The following GSE1 variants were observed in gnomAD, a reference collection of about 807,000 sequenced individuals.
The protein encoded by GSE1 is genetic suppressor element 1.
In GSE1, 32 loss-of-function variants were observed where a neutral mutation model predicts 112.6. The ratio of observed to expected loss-of-function variants is 0.28; its 90% CI spans 0.21 to 0.38. The LOEUF is 0.38. Among genes scored for constraint, GSE1 ranks in the 10% least tolerant of loss-of-function variants. The pLI is 1.00. For synonymous variants in GSE1, 1,115 were observed against 735.6 expected (o/e 1.52, Z -8.35); for missense variants, 2,348 against 1,699.2 (o/e 1.38, Z -6.71).
intron 1 of GSE1, among the ~76,000 whole-genome samples, chr16:85,238,566 G>C (rs1022067056): frequency 6.6e-6 from 1 of 152,172 alleles, no homozygotes; most frequent in African/African-American, 2.4e-5. Flanking sequence ...GCCTCTGCTC[G>C]CTCAGCTCTG....
rs1328485561 is a variant in GSE1 at position 85,661,453 on chromosome 16, C to G, written c.1948C>G (p.Gln650Glu). 1.2e-6 allele frequency: 2 copies of G among 1,611,520 alleles called. No individual in the cohort carries two copies. Among genetic ancestry groups the G allele is most frequent in the Non-Finnish European group, 8.5e-7 (1 of 1,179,394 alleles). The change falls in exon 9 of 16, where the codon CAG (glutamine) becomes GAG (glutamate). Residue 650 changes from glutamine (Q) to glutamate (E), a missense_variant. Coordinates refer to ENST00000253458, the MANE Select transcript of GSE1 (RefSeq NM_014615.5). The stretch of plus-strand genomic sequence containing the variant: ...TGAGCCTGCCCCTCTGGACAAGTAC[C>G]AGCCACCTCCGCCGCCACCACGAGA... ...KREPAPLDKY[Q>E]PPPPPPREGG...
At chr16:85,473,580 C>G (rs778901672) in intron 2 of GSE1, among the ~76,000 whole-genome samples, 2 of 152,224 alleles carry the variant, frequency 1.3e-5, no homozygotes, top group Non-Finnish European at 2.9e-5. Flanking sequence ...TGTCCCTGCT[C>G]TGTCTTCATG....
At chr16:85,538,462 T>C (rs1338817701) in intron 2 of GSE1, among the ~76,000 whole-genome samples, 1 of 152,174 alleles carries the variant, frequency 6.6e-6, no homozygotes, top group Middle Eastern at 3.2e-3. Context: ...TTCCCTTCAG[T>C]CCCCAGCAGC....
chr16:85,671,030 T>A lies in GSE1; in HGVS notation c.3451T>A (p.Cys1151Ser), dbSNP rs1255622328. The A allele has an allele frequency of 1.9e-6, 3 of 1,612,266 alleles. No homozygotes were observed. In the African/African-American group the frequency reaches 4.0e-5, roughly 22 times the overall value. ...NLERQVLQTQ[C>S]RRLEARHYSL... ...GGAGCGGCAGGTGTTACAGACACAA[T>A]GTAGACGACTGGAGGCCCGGCACTA... Residue 1151 changes from cysteine to serine, a missense_variant, in exon 15 of 16, where the codon TGT becomes AGT. Coordinates refer to ENST00000253458, the MANE Select transcript of GSE1 (RefSeq NM_014615.5).
At chr16:85,188,690 A>G (rs1444235636) in intron 1 of GSE1, among the ~76,000 whole-genome samples, 1 of 151,868 alleles carries the variant, frequency 6.6e-6, no homozygotes, top group Non-Finnish European at 1.5e-5. Context: ...AGTTCCAGAT[A>G]CGGGGGAGGC....
rs1158309115 is a variant in GSE1, at chr16:85,661,233, G to C, written c.1728G>C (p.Gln576His). The C allele has an allele frequency of 3.7e-6, 6 of 1,612,524 alleles. No individual in the cohort carries two copies. Among genetic ancestry groups the C allele is most frequent in the South Asian group, 1.1e-5 (1 of 91,070 alleles). ...CACCTCTGATTTCGCCCAAGCCCCA[G>C]CTCCATGCTGCACCCACGGCCCTCT... is the stretch of plus-strand genomic sequence containing the variant. ...GPPPLISPKPQLHAAPTALWN... is the reference protein window; with the variant it reads ...GPPPLISPKPHLHAAPTALWN... Residue 576 changes from glutamine (Q) to histidine (H), a missense_variant, in exon 9 of 16, where the codon CAG becomes CAC. Gln to His is a conservative substitution (Grantham distance 24, BLOSUM62 0). Coordinates refer to ENST00000253458, the MANE Select transcript of GSE1 (RefSeq NM_014615.5).
In GSE1 at chr16:85,275,215, C is replaced by T. The variant is rs189887899; in HGVS notation, c.2284-82248C>T. Among the ~76,000 whole-genome samples, 657 of 152,294 alleles carry T rather than the reference C, an allele frequency of 4.3e-3. 5 individuals are homozygous for T. The highest frequency in any genetic ancestry group is 7.1e-3 in the Non-Finnish European group (481 of 68,024). ...AGTCTTAACTCCCAAACCACAGAGG[C>T]CTCCGAACTGGAGGAGACAGAACAG... On this transcript the variant is annotated intron_variant, in intron 1 of 2. Transcript: ENST00000637419.
chr16:85,545,927 C>T (rs909158324), intron 2 of GSE1, among the ~76,000 whole-genome samples: 21 of 151,804 alleles, frequency 1.4e-4, no homozygotes, highest in African/African-American at 3.4e-4. Context: ...GGACTACAGG[C>T]GCCCGCCACC....
chr16:85,640,643 C>T (rs962116931), intron 2 of GSE1, among the ~76,000 whole-genome samples: 40 of 152,246 alleles, frequency 2.6e-4, no homozygotes, highest in African/African-American at 9.6e-4. Flanking sequence ...TCCTCATGAG[C>T]TGCCGTGGGA....
At chr16:85,245,208 A>G (rs1006061222) in intron 1 of GSE1, among the ~76,000 whole-genome samples, 1 of 152,178 alleles carries the variant, frequency 6.6e-6, no homozygotes, top group South Asian at 2.1e-4. Flanking sequence ...TCCACTCACC[A>G]TAAATAAAAG....
intron 2 of GSE1, among the ~76,000 whole-genome samples, chr16:85,518,075 C>T (rs1056945806): frequency 2.6e-5 from 4 of 152,316 alleles, no homozygotes; most frequent in Admixed American, 6.5e-5. Flanking sequence ...ACAGGCGCGT[C>T]GGCTGGAACT....
intron 1 of GSE1, among the ~76,000 whole-genome samples, chr16:85,603,097 C>T (rs559707654): frequency 6.6e-5 from 10 of 152,360 alleles, no homozygotes; most frequent in Non-Finnish European, 1.0e-4. Context: ...TTCAGTGTCA[C>T]GACCTCCAGC....
chr16:85,346,322 G>C (rs1381719910), intron 1 of GSE1, among the ~76,000 whole-genome samples: 2 of 151,758 alleles, frequency 1.3e-5, no homozygotes, highest in African/African-American at 4.8e-5. Context: ...GATGATGGAT[G>C]GATGGATGAT....
In GSE1 at chr16:85,654,187, C is replaced by T. The variant is rs575099662; in HGVS notation, c.427-91C>T. On this transcript the variant is annotated intron_variant, in intron 3 of 15. Transcript: ENST00000253458. The stretch of plus-strand genomic sequence containing the variant: ...TTTCTAGAACATGAACTAAATCTAG[C>T]GCCTTCCCGTGAGTCAGGAGACCTG... 446 of 1,168,246 alleles carry T rather than the reference C, an allele frequency of 3.8e-4. 6 individuals carry two copies. The South Asian group carries it at 5.3e-3, about 14-fold the overall frequency. 72.4% of individuals were successfully genotyped at this position (1,168,246 alleles called of 1,614,324 possible). A position where few individuals can be genotyped will look rare whatever the true frequency, so the allele number is the denominator to read the frequency against.
At chr16:85,649,483 C>G (rs1322844646) in intron 3 of GSE1, among the ~76,000 whole-genome samples, 1 of 152,246 alleles carries the variant, frequency 6.6e-6, no homozygotes. Flanking sequence ...GCGGAGGCCC[C>G]TCCCCAAGTT....
intron 2 of GSE1, among the ~76,000 whole-genome samples, chr16:85,437,600 T>A (rs1398172810): frequency 2.6e-5 from 4 of 151,966 alleles, no homozygotes; most frequent in African/African-American, 9.7e-5. Flanking sequence ...GGGATTGGGA[T>A]CGGAGACCAG....
intron 1 of GSE1, among the ~76,000 whole-genome samples, chr16:85,329,830 G>A (rs1191242441): frequency 2.0e-5 from 3 of 151,044 alleles, no homozygotes; most frequent in African/African-American, 7.3e-5. Context: ...GCTGGGGACG[G>A]GAGGGGAGGG....
At chr16:85,200,860 T>C (rs1252397884) in intron 1 of GSE1, among the ~76,000 whole-genome samples, 1 of 152,222 alleles carries the variant, frequency 6.6e-6, no homozygotes, top group East Asian at 1.9e-4. Flanking sequence ...CTTCTCACAC[T>C]GAACTGTCCC....
At chr16:85,605,419 T>G (rs2047660875) in intron 1 of GSE1, among the ~76,000 whole-genome samples, 1 of 152,080 alleles carries the variant, frequency 6.6e-6, no homozygotes, top group Non-Finnish European at 1.5e-5. Context: ...TAAAACTTTA[T>G]TTGTCTGTGC....
Sources: allele counts gnomAD v4.1 joint callset (sites outside exome capture counted in the v4.1 genomes callset), GRCh38; gene constraint gnomAD v4.1.1; transcripts MANE v1.5; gene names NCBI Gene and HGNC (gene_info 2026-07-23, HGNC 2026-07-21).